The following COL6A6 variants were observed in gnomAD, a reference collection of about 807,000 sequenced individuals.
The protein encoded by COL6A6 is collagen alpha-6(VI) chain.
Under a neutral mutation model 208.6 loss-of-function variants are expected in COL6A6, and 183 were observed. The ratio of observed to expected loss-of-function variants is 0.88; its 90% CI spans 0.78 to 0.99. COL6A6 has a LOEUF of 0.99. Among genes scored for constraint, COL6A6 ranks in the 50% least tolerant of loss-of-function variants. The probability of loss-of-function intolerance (pLI) is 0.00; values close to 1 mark genes in which losing one functional copy is unlikely to be tolerated. For synonymous variants in COL6A6, 973 were observed against 1,011.8 expected (o/e 0.96, Z 0.73); for missense variants, 2,816 against 2,815.2 (o/e 1.00, Z -0.01).
intron 1 of COL6A6, among the ~76,000 whole-genome samples, chr3:130,518,685 T>C (rs780375298): frequency 2.0e-5 from 3 of 152,222 alleles, no homozygotes; most frequent in Non-Finnish European, 4.4e-5. Flanking sequence ...TTTGTATTTT[T>C]AGTAGAGACG....
Position 130,592,955 on chromosome 3 carries a change from A to G in COL6A6, c.4372-106A>G, listed in dbSNP as rs974695086. On this transcript the variant is annotated intron_variant, in intron 15 of 36. Coordinates refer to ENST00000358511, the MANE Select transcript of COL6A6 (RefSeq NM_001102608.3). ...ATATTAATAACCCAGGCCCAGCCTC[A>G]CAAGGAGGCTGTATGTGAAACACAA... 12 of 1,049,720 alleles carry G rather than the reference A, an allele frequency of 1.1e-5. No homozygotes were observed. The African/African-American group carries it at 1.9e-4, about 17-fold the overall frequency. The allele number at this position is 1,049,720 out of a possible 1,614,324, so 65.0% of individuals were successfully genotyped here.
intron 24 of COL6A6, among the ~76,000 whole-genome samples, chr3:130,624,148 C>T (rs1308103598): frequency 6.6e-6 from 1 of 152,096 alleles, no homozygotes; most frequent in Non-Finnish European, 1.5e-5. Flanking sequence ...ATTAACTACT[C>T]ATACTGGCAA....
At chr3:130,668,787 G>A (rs1235083825) in intron 36 of COL6A6, among the ~76,000 whole-genome samples, 2 of 152,164 alleles carry the variant, frequency 1.3e-5, no homozygotes, top group African/African-American at 4.8e-5. Context: ...AATTGTCATT[G>A]AACCATCAAA....
Position 130,568,250 on chromosome 3 carries a change from A to G in COL6A6, c.2047A>G (p.Ser683Gly). The part of the protein sequence containing the change: ...EFQLNRFMSQ[S>G]DISNAIDQMA... Reference sequence around the variant, plus strand: ...TCAGCTCAACAGATTCATGTCCCAAAGCGACATTTCAAATGCAATAGACCA... The same window carrying G: ...TCAGCTCAACAGATTCATGTCCCAAGGCGACATTTCAAATGCAATAGACCA... Residue 683 changes from serine (S) to glycine (G), a missense_variant, in exon 6 of 37, where the codon AGC (serine) becomes GGC (glycine). Ser to Gly is a moderately conservative substitution (Grantham distance 56). Coordinates refer to ENST00000358511, the MANE Select transcript of COL6A6 (RefSeq NM_001102608.3). The G allele has an allele frequency of 6.2e-7, 1 of 1,614,026 alleles. No homozygotes were observed.
intron 6 of COL6A6, among the ~76,000 whole-genome samples, chr3:130,569,018 C>A (rs1175208717): frequency 6.6e-6 from 1 of 152,098 alleles, no homozygotes; most frequent in Non-Finnish European, 1.5e-5. Context: ...TGGCCTGATC[C>A]CATGGGGAGC....
chr3:130,661,953 C>G lies in COL6A6; in HGVS notation c.6147C>G (p.His2049Gln). 6.2e-7 allele frequency: 1 copy of G among 1,613,938 alleles called. No individual in the cohort carries two copies. Among genetic ancestry groups the G allele is most frequent in the Non-Finnish European group, 8.5e-7 (1 of 1,179,852 alleles). Residue 2049 changes from histidine to glutamine, a missense_variant, in exon 35 of 37, where the codon CAC becomes CAG. His to Gln is a conservative substitution (Grantham distance 24). Coordinates refer to ENST00000358511, the MANE Select transcript of COL6A6 (RefSeq NM_001102608.3). ...AGCGCCTCATGAAGAGGCATGTGCACGAGTCAGTTAAACAACTAAATGGAG... is the reference window on the plus strand; with the variant it reads ...AGCGCCTCATGAAGAGGCATGTGCAGGAGTCAGTTAAACAACTAAATGGAG... ...RSKRLMKRHV[H>Q]ESVKQLNGDA...
rs79192796 is a variant in COL6A6 at position 130,615,995 on chromosome 3, C to A, written c.4815+5284C>A. Among the ~76,000 whole-genome samples, 471 of 152,250 alleles carry A rather than the reference C, an allele frequency of 3.1e-3. 7 individuals are homozygous for A. In the East Asian group the frequency reaches 0.035, roughly 11 times the overall value. ...TAGTCTACGTCTACCATTTTTCTGA[C>A]TGGAAAACATGGTTTTTCTTTCTGT... On this transcript the variant is annotated intron_variant, in intron 23 of 36. Transcript: ENST00000358511.
At chr3:130,611,666 G>A (rs1019218464) in intron 23 of COL6A6, among the ~76,000 whole-genome samples, 16 of 152,172 alleles carry the variant, frequency 1.1e-4, no homozygotes, top group Admixed American at 3.3e-4. Flanking sequence ...ATTCCATTAC[G>A]TGTGTACGTT....
chr3:130,559,514 A>G (rs72992277), intron 1 of COL6A6, among the ~76,000 whole-genome samples: 7,183 of 152,288 alleles, frequency 0.047, 551 homozygotes, highest in African/African-American at 0.16. Context: ...ATAAACATAT[A>G]TAGTGTTGCA....
In COL6A6 at chr3:130,675,694, A is replaced by C. The variant is rs2066342355; in HGVS notation, c.*297A>C. ...AAGGTAAAATTTATATGATGTATGC[A>C]TATGTGTACATGGGTCAATGTTAAT... On this transcript the variant is annotated 3_prime_UTR_variant, in exon 37 of 37. Transcript: ENST00000358511. 3 of 249,062 alleles carry C rather than the reference A, an allele frequency of 1.2e-5. No individual in the cohort carries two copies. The Admixed American group carries it at 1.5e-4, about 12-fold the overall frequency. The allele number at this position is 249,062 out of a possible 1,614,324, so 15.4% of individuals were successfully genotyped here. A position where few individuals can be genotyped will look rare whatever the true frequency, so the allele number is the denominator to read the frequency against.
chr3:130,569,185 T>A (rs1193784494), intron 6 of COL6A6, among the ~76,000 whole-genome samples: 1 of 152,210 alleles, frequency 6.6e-6, no homozygotes, highest in Non-Finnish European at 1.5e-5. Flanking sequence ...ATCTACTATA[T>A]ATGGTGCTTA....
intron 18 of COL6A6, among the ~76,000 whole-genome samples, chr3:130,596,826 A>G (rs1388748272): frequency 1.3e-5 from 2 of 152,244 alleles, no homozygotes; most frequent in Non-Finnish European, 2.9e-5. Flanking sequence ...AAAATTTTTA[A>G]AAAAAGAAAT....
At position 130,573,972 on chromosome 3, in the gene COL6A6, A is replaced by T; in HGVS notation, c.2994A>T (p.Lys998Asn). ...NSSKVDCEID[K>N]VDLVFLMDGS... is the part of the protein sequence containing the mutation. ...TCTTTGTAGATTGTGAAATTGACAA[A>T]GTAGATCTTGTTTTCCTTATGGATG... The change falls in exon 8 of 37, where the codon AAA becomes AAT. Residue 998 changes from lysine (K) to asparagine (N), a missense_variant. Lys to Asn is a moderately conservative substitution (Grantham distance 94, BLOSUM62 0). Transcript: ENST00000358511. 6.2e-7 allele frequency: 1 copy of T among 1,609,560 alleles called. No individual in the cohort carries two copies. Among genetic ancestry groups the T allele is most frequent in the Non-Finnish European group, 8.5e-7 (1 of 1,176,106 alleles).
At position 130,649,557 on chromosome 3, in the gene COL6A6, T is replaced by C; in HGVS notation, c.5728T>C (p.Phe1910Leu). The change falls in exon 33 of 37, where the codon TTT becomes CTT. Residue 1910 changes from phenylalanine (F) to leucine (L), a missense_variant. By Grantham distance (22) the Phe-to-Leu change is conservative. Coordinates refer to ENST00000358511, the MANE Select transcript of COL6A6 (RefSeq NM_001102608.3). ...CAACGTGCCCTCGGTCAGGCGCGCA[T>C]TTGCGGTATGAGGATGAAACCTTTC... ...FSNVPSVRRAFAIDDTGTFQV... is the reference protein window; with the variant it reads ...FSNVPSVRRALAIDDTGTFQV... The C allele has an allele frequency of 6.3e-7, 1 of 1,583,186 alleles. No individual in the cohort carries two copies. Among genetic ancestry groups the C allele is most frequent in the Non-Finnish European group, 8.6e-7 (1 of 1,165,140 alleles).
intron 8 of COL6A6, among the ~76,000 whole-genome samples, chr3:130,578,583 C>A (rs566075005): frequency 6.6e-6 from 1 of 152,094 alleles, no homozygotes; most frequent in Admixed American, 6.5e-5. Flanking sequence ...ATAAAACCAC[C>A]GTGTATACCA....
At chr3:130,673,496 C>G (rs57454246) in intron 36 of COL6A6, among the ~76,000 whole-genome samples, 71,008 of 150,968 alleles carry the variant, frequency 0.47, 19,688 homozygotes, top group African/African-American at 0.76. Flanking sequence ...GGTAGGGGGA[C>G]GCAGCGTGAA....
intron 36 of COL6A6, among the ~76,000 whole-genome samples, chr3:130,667,849 A>T (rs559339047): frequency 6.6e-6 from 1 of 152,036 alleles, no homozygotes; most frequent in Non-Finnish European, 1.5e-5. Context: ...AGCTTGTATC[A>T]TTTGGGCCGG....
chr3:130,654,838 T>C (rs1448927657), intron 33 of COL6A6, among the ~76,000 whole-genome samples: 1 of 152,184 alleles, frequency 6.6e-6, no homozygotes, highest in Non-Finnish European at 1.5e-5. Context: ...GGCTAGGGCT[T>C]TTCAAGGATA....
chr3:130,520,351 GC>G (rs1261440100), intron 1 of COL6A6, among the ~76,000 whole-genome samples: 1 of 152,094 alleles, frequency 6.6e-6, no homozygotes, highest in East Asian at 1.9e-4. Context: ...GTGACTAAAG[GC>G]CGACCTTTCT....
Sources: allele counts gnomAD v4.1 joint callset (sites outside exome capture counted in the v4.1 genomes callset), GRCh38; gene constraint gnomAD v4.1.1; transcripts MANE v1.5; gene names NCBI Gene and HGNC (gene_info 2026-07-23, HGNC 2026-07-21).